RNGTT: variants seen among roughly 807,000 people sequenced by gnomAD.
The protein encoded by RNGTT is RNA guanylyltransferase and 5'-phosphatase.
A neutral mutation model predicts 79.3 loss-of-function variants in RNGTT; 33 were observed. The observed-to-expected ratio is 0.42, with a 90% CI of 0.32 to 0.56. The LOEUF is 0.56. Among genes scored for constraint, RNGTT ranks in the 20% least tolerant of loss-of-function variants. The pLI is 0.17. For missense variants in RNGTT, 497 were observed against 739.1 expected (o/e 0.67, Z 3.80); for synonymous variants, 222 against 235.9 (o/e 0.94, Z 0.54).
At chr6:88,914,159 T>G (rs901749023) in intron 4 of RNGTT, among the ~76,000 whole-genome samples, 1 of 152,002 alleles carries the variant, frequency 6.6e-6, no homozygotes, top group Non-Finnish European at 1.5e-5. Context: ...TAAAAAAAAT[T>G]CCATGCTCAT....
intron 13 of RNGTT, among the ~76,000 whole-genome samples, chr6:88,686,027 G>T (rs529648887): frequency 6.6e-6 from 1 of 150,736 alleles, no homozygotes; most frequent in East Asian, 1.9e-4. Context: ...ATATACATAT[G>T]TATTCCCCCC....
intron 11 of RNGTT, among the ~76,000 whole-genome samples, chr6:88,825,873 G>A (rs539202880): frequency 6.6e-6 from 1 of 152,212 alleles, no homozygotes; most frequent in East Asian, 1.9e-4. Flanking sequence ...TCCTCACTCT[G>A]CACCCGTGTC....
At chr6:88,647,801 A>C (rs1179556374) in intron 14 of RNGTT, among the ~76,000 whole-genome samples, 2 of 151,634 alleles carry the variant, frequency 1.3e-5, no homozygotes, top group Non-Finnish European at 2.9e-5. Context: ...AAACTTAACC[A>C]ATCAATCTGT....
At chr6:88,796,584 G>A (rs752496975) in intron 12 of RNGTT, among the ~76,000 whole-genome samples, 9 of 152,212 alleles carry the variant, frequency 5.9e-5, no homozygotes, top group Non-Finnish European at 1.2e-4. Flanking sequence ...TAATATGAAC[G>A]AAGAAATAGA....
At chr6:88,677,797 CA>C (rs1774931796) in intron 14 of RNGTT, among the ~76,000 whole-genome samples, 1 of 152,006 alleles carries the variant, frequency 6.6e-6, no homozygotes, top group South Asian at 2.1e-4. Flanking sequence ...TTTTTAATGG[CA>C]AAAGGGATGA....
At chr6:88,876,443 A>C (rs1782521531) in intron 8 of RNGTT, among the ~76,000 whole-genome samples, 1 of 152,182 alleles carries the variant, frequency 6.6e-6, no homozygotes, top group African/African-American at 2.4e-5. Context: ...CTGAGGTGGG[A>C]GGTCGAGGCT....
At chr6:88,806,423 T>C (rs1779956910) in intron 11 of RNGTT, among the ~76,000 whole-genome samples, 1 of 151,180 alleles carries the variant, frequency 6.6e-6, no homozygotes, top group Non-Finnish European at 1.5e-5. Context: ...GTTCAAGAGA[T>C]TCTCCTGCCT....
At chr6:88,942,203 T>C (rs749224015) in intron 1 of RNGTT, among the ~76,000 whole-genome samples, 14 of 152,320 alleles carry the variant, frequency 9.2e-5, no homozygotes, top group Middle Eastern at 3.4e-3. Flanking sequence ...CATGCTAGAA[T>C]ATGATATCAT....
chr6:88,768,225 T>A (rs1778531511), intron 13 of RNGTT, among the ~76,000 whole-genome samples: 1 of 151,802 alleles, frequency 6.6e-6, no homozygotes, highest in South Asian at 2.1e-4. Flanking sequence ...TCCTGCCACC[T>A]CAGCCTCCCA....
At chr6:88,618,576 T>C (rs1429223415) in intron 14 of RNGTT, among the ~76,000 whole-genome samples, 2 of 152,304 alleles carry the variant, frequency 1.3e-5, no homozygotes, top group Non-Finnish European at 2.9e-5. Flanking sequence ...AAAATATTTA[T>C]AAAACAAGAT....
intron 15 of RNGTT, 60 bp downstream of exon 15, chr6:88,614,212 G>T: frequency 6.5e-7 from 1 of 1,549,718 alleles, no homozygotes. Flanking sequence ...GCACACTTTG[G>T]GTCTAACACC....
chr6:88,959,781 A>G (rs1244583129), intron 1 of RNGTT, among the ~76,000 whole-genome samples: 1 of 152,200 alleles, frequency 6.6e-6, no homozygotes, highest in Non-Finnish European at 1.5e-5. Context: ...TATGCCACTG[A>G]AAATTTAAAG....
intron 13 of RNGTT, among the ~76,000 whole-genome samples, chr6:88,763,087 CTTTTTTTTT>C (rs59200191): frequency 0.16 from 15,622 of 95,312 alleles, 762 homozygotes; most frequent in Middle Eastern, 0.25. Context: ...TCATGGCCAG[CTTTTTTTTT>C]TTTTTTTTTT....
At chr6:88,929,796 TATG>T (rs1263099764) in intron 2 of RNGTT, among the ~76,000 whole-genome samples, 5 of 151,700 alleles carry the variant, frequency 3.3e-5, no homozygotes, top group African/African-American at 1.2e-4. Context: ...ATATCATATA[TATG>T]ATGTGTATAT....
intron 13 of RNGTT, among the ~76,000 whole-genome samples, chr6:88,723,285 G>C (rs1422745999): frequency 1.3e-5 from 2 of 152,158 alleles, no homozygotes; most frequent in Non-Finnish European, 2.9e-5. Flanking sequence ...TGATAAGTAA[G>C]CAACAATGAG....
chr6:88,770,042 C>T (rs1252442629), intron 12 of RNGTT, among the ~76,000 whole-genome samples, 168 bp from the exon 13 acceptor site: 2 of 152,188 alleles, frequency 1.3e-5, no homozygotes, highest in Non-Finnish European at 2.9e-5. Flanking sequence ...TTATTGATGA[C>T]CTTTCTTCTT....
At chr6:88,689,419 C>T (rs1775396770) in intron 13 of RNGTT, among the ~76,000 whole-genome samples, 1 of 151,942 alleles carries the variant, frequency 6.6e-6, no homozygotes, top group Non-Finnish European at 1.5e-5. Context: ...TGTGGCGAAA[C>T]CCCGTCTCTA....
chr6:88,655,406 G>C (rs1482266859), intron 14 of RNGTT, among the ~76,000 whole-genome samples: 1 of 152,158 alleles, frequency 6.6e-6, no homozygotes, highest in Non-Finnish European at 1.5e-5. Flanking sequence ...GAAGAGATAA[G>C]TATTTCTTTG....
intron 12 of RNGTT, among the ~76,000 whole-genome samples, chr6:88,785,491 GA>G (rs886533111): frequency 4.3e-4 from 64 of 150,038 alleles, no homozygotes; most frequent in Admixed American, 3.3e-4. Context: ...GATGAACAAG[GA>G]AAAAAAAATA....
Sources: allele counts gnomAD v4.1 joint callset (sites outside exome capture counted in the v4.1 genomes callset), GRCh38; gene constraint gnomAD v4.1.1; transcripts MANE v1.5; gene names NCBI Gene and HGNC (gene_info 2026-07-23, HGNC 2026-07-21).